Variants in TPRG1 observed in about 807,000 individuals in gnomAD.
The protein encoded by TPRG1 is tumor protein p63 regulated 1, also known as tumor protein p63-regulated gene 1 protein.
In TPRG1, 29 loss-of-function variants were observed where a neutral mutation model predicts 29.3. The ratio of observed to expected loss-of-function variants is 0.99; its 90% CI spans 0.74 to 1.35. The LOEUF is 1.35. TPRG1 is among the 40% of genes most tolerant of loss of function. The pLI is 0.00. For synonymous variants in TPRG1, 130 were observed against 116.8 expected (o/e 1.11, Z -0.73); for missense variants, 327 against 335.0 (o/e 0.98, Z 0.19).
intron 4 of TPRG1, among the ~76,000 whole-genome samples, chr3:189,060,242 CAA>C (rs1171673405): frequency 1.3e-5 from 2 of 151,998 alleles, no homozygotes; most frequent in African/African-American, 2.4e-5. Context: ...CAAAAACAAA[CAA>C]AGAAACAAAC....
At chr3:189,163,959 A>ATTT (rs3884278) in intron 5 of TPRG1, among the ~76,000 whole-genome samples, 9,161 of 151,082 alleles carry the variant, frequency 0.061, 335 homozygotes, top group Middle Eastern at 0.085. Context: ...AAAAATATGC[A>ATTT]TTTTTTTTTC....
At chr3:189,057,820 A>G (rs566578483) in intron 4 of TPRG1, among the ~76,000 whole-genome samples, 2 of 141,686 alleles carry the variant, frequency 1.4e-5, no homozygotes, top group East Asian at 2.0e-4. Flanking sequence ...ATATGTGTGT[A>G]TATATATACA....
chr3:189,024,712 T>C (rs1016338437), intron 4 of TPRG1, among the ~76,000 whole-genome samples: 2 of 152,120 alleles, frequency 1.3e-5, no homozygotes, highest in Non-Finnish European at 2.9e-5. Context: ...TTTCTGCCTA[T>C]AGAATATAGG....
intron 4 of TPRG1, among the ~76,000 whole-genome samples, chr3:189,039,948 T>C (rs710511): frequency 0.85 from 128,810 of 152,038 alleles, 56,527 homozygotes; most frequent in Non-Finnish European, 0.95. Flanking sequence ...CCTACAAACA[T>C]GCATTTCCTT....
chr3:189,143,969 C>T (rs553721134), intron 3 of TPRG1, among the ~76,000 whole-genome samples: 2 of 152,276 alleles, frequency 1.3e-5, no homozygotes, highest in Admixed American at 1.3e-4. Flanking sequence ...TCTTCCATTT[C>T]CTCTCTGTGT....
intron 3 of TPRG1, among the ~76,000 whole-genome samples, chr3:189,009,614 A>C (rs1712488420): frequency 6.6e-6 from 1 of 152,098 alleles, no homozygotes; most frequent in African/African-American, 2.4e-5. Context: ...AAGAAAACTA[A>C]AATCATCTCA....
chr3:189,205,636 G>T (rs962917546), intron 1 of TPRG1, among the ~76,000 whole-genome samples: 1 of 152,148 alleles, frequency 6.6e-6, no homozygotes, highest in Non-Finnish European at 1.5e-5. Flanking sequence ...AGGTGACTCC[G>T]AGAATAATAT....
chr3:189,124,540 T>TCGTGTATG (rs1553907166), intron 1 of TPRG1, among the ~76,000 whole-genome samples: 1 of 149,962 alleles, frequency 6.7e-6, no homozygotes, highest in African/African-American at 2.5e-5. Context: ...ACAAAGGACT[T>TCGTGTATG]TGTGTGTGTG....
chr3:189,248,756 T>C (rs992662938), intron 4 of TPRG1, among the ~76,000 whole-genome samples: 2 of 151,254 alleles, frequency 1.3e-5, no homozygotes, highest in African/African-American at 4.8e-5. Context: ...GTTATTAATT[T>C]ATAGTTTTAT....
At chr3:189,312,138 T>TC (rs1491531540) in intron 5 of TPRG1, among the ~76,000 whole-genome samples, 10 of 37,626 alleles carry the variant, frequency 2.7e-4, no homozygotes, top group Admixed American at 3.1e-4. Context: ...TCTTTCTTTC[T>TC]TTCTTTCTTT....
chr3:188,999,387 C>A (rs1216580513), intron 1 of TPRG1, among the ~76,000 whole-genome samples: 3 of 152,134 alleles, frequency 2.0e-5, no homozygotes, highest in Non-Finnish European at 4.4e-5. Context: ...ACAATAAGAG[C>A]TACAGAAAAG....
At chr3:189,136,966 T>A (rs567987074) in intron 3 of TPRG1, among the ~76,000 whole-genome samples, 3 of 152,216 alleles carry the variant, frequency 2.0e-5, no homozygotes, top group East Asian at 1.9e-4. Flanking sequence ...AGACAATTTT[T>A]AAAAAAATGG....
At chr3:189,046,289 C>G (rs917208817) in intron 4 of TPRG1, among the ~76,000 whole-genome samples, 2 of 152,108 alleles carry the variant, frequency 1.3e-5, no homozygotes, top group Non-Finnish European at 2.9e-5. Flanking sequence ...GTTGGTAAAC[C>G]CTCTTCTCCA....
chr3:189,107,091 CT>C (rs1719915932), intron 1 of TPRG1, among the ~76,000 whole-genome samples: 1 of 151,674 alleles, frequency 6.6e-6, no homozygotes, highest in Non-Finnish European at 1.5e-5. Flanking sequence ...CAGAATTTTA[CT>C]GTTTAGAGCT....
chr3:189,225,204 T>G (rs574384174), intron 3 of TPRG1, among the ~76,000 whole-genome samples: 10 of 152,214 alleles, frequency 6.6e-5, no homozygotes, highest in Non-Finnish European at 1.3e-4. Flanking sequence ...GTGCTGGGAT[T>G]ACAGGCGTGA....
intron 3 of TPRG1, among the ~76,000 whole-genome samples, chr3:189,230,276 C>T (rs1050682235): frequency 2.0e-5 from 3 of 152,104 alleles, no homozygotes; most frequent in East Asian, 1.9e-4. Flanking sequence ...GTGGGAAAAG[C>T]GGCTTGATGG....
chr3:189,060,944 A>G (rs780033249), intron 4 of TPRG1, among the ~76,000 whole-genome samples: 6 of 152,170 alleles, frequency 3.9e-5, no homozygotes, highest in Non-Finnish European at 8.8e-5. Context: ...GAAAAAAACT[A>G]TTTAAAAATT....
intron 4 of TPRG1, among the ~76,000 whole-genome samples, chr3:189,249,483 T>C (rs986990899): frequency 1.3e-5 from 2 of 152,016 alleles, no homozygotes; most frequent in African/African-American, 2.4e-5. Context: ...CATCCTATAA[T>C]TGAATTTTAC....
chr3:189,052,351 C>T (rs965538213), intron 4 of TPRG1, among the ~76,000 whole-genome samples: 7 of 152,192 alleles, frequency 4.6e-5, no homozygotes, highest in Non-Finnish European at 1.0e-4. Flanking sequence ...TGCTCAACAT[C>T]ACTGATGATC....
Sources: gnomAD v4.1 joint callset for allele counts (sites outside exome capture counted in the v4.1 genomes callset) on GRCh38, gnomAD v4.1.1 for gene constraint, MANE v1.5 for transcripts, NCBI Gene and HGNC (gene_info 2026-07-23, HGNC 2026-07-21) for gene names.